The following CDKL5 variants were observed in gnomAD, a reference collection of about 807,000 sequenced individuals.
CDKL5 encodes cyclin-dependent kinase-like 5.
In CDKL5, 8 loss-of-function variants were observed where a neutral mutation model predicts 61.7. That is an observed-to-expected ratio of 0.13 (90% CI 0.08 to 0.23). CDKL5 has a LOEUF of 0.23. Among genes scored for constraint, CDKL5 ranks in the 10% least tolerant of loss-of-function variants. The pLI is 1.00. For missense variants in CDKL5, 440 were observed against 734.5 expected, an observed-to-expected ratio of 0.60 and a Z score of 4.63; for synonymous variants, 275 against 272.3, an observed-to-expected ratio of 1.01 and a Z score of -0.10.
rs748179410 is a variant in CDKL5 at position 18,583,804 on chromosome X, A to T, written c.464-459A>T. ...CCATCACTGTTTATGTAAAGGCTAG[A>T]ATTGCTCAGCAACAGTACATATGCA... is the stretch of plus-strand genomic sequence containing the variant. On this transcript the variant is annotated intron_variant, in intron 7 of 17. Transcript: ENST00000623535. 2.6e-4 allele frequency among the ~76,000 whole-genome samples: 29 copies of T among 112,140 alleles called. No homozygotes were observed. The South Asian group carries it at 0.01, about 40-fold the overall frequency.
intron 1 of CDKL5, among the ~76,000 whole-genome samples, chrX:18,501,297 C>T (rs1233309817): frequency 1.8e-5 from 2 of 110,479 alleles, no homozygotes; most frequent in African/African-American, 6.6e-5. Flanking sequence ...TCTCAGTCTC[C>T]CGAGTAGCTG....
intron 1 of CDKL5, among the ~76,000 whole-genome samples, chrX:18,460,799 C>T (rs763822822): frequency 4.5e-5 from 5 of 112,183 alleles, no homozygotes; most frequent in Admixed American, 3.8e-4. Flanking sequence ...CCATTCCTGG[C>T]TTATCTAGGT....
intron 1 of CDKL5, among the ~76,000 whole-genome samples, chrX:18,470,404 A>G (rs984486355): frequency 1.9e-5 from 2 of 107,621 alleles, no homozygotes; most frequent in African/African-American, 6.7e-5. Flanking sequence ...AAGTAAATGG[A>G]TGAGGTGAAC....
At chrX:18,646,424 G>C (rs1354752375) in intron 20 of CDKL5, among the ~76,000 whole-genome samples, 1 of 112,749 alleles carries the variant, frequency 8.9e-6, no homozygotes, top group East Asian at 2.8e-4. Flanking sequence ...CAAAGTGCTA[G>C]GATTACAGGC....
chrX:18,479,202 A>G (rs1214199560), intron 1 of CDKL5, among the ~76,000 whole-genome samples: 1 of 107,665 alleles, frequency 9.3e-6, no homozygotes, highest in Non-Finnish European at 1.9e-5. Flanking sequence ...TTTGACTATG[A>G]TGTTTCTGGG....
At chrX:18,471,346 CTT>C (rs1424233984) in intron 1 of CDKL5, among the ~76,000 whole-genome samples, 2 of 111,160 alleles carry the variant, frequency 1.8e-5, no homozygotes, top group African/African-American at 6.5e-5. Flanking sequence ...CAGTTATACT[CTT>C]TTAGTTATTT....
At chrX:18,610,246 G>A (rs748433749) in intron 14 of CDKL5, among the ~76,000 whole-genome samples, 5 of 111,926 alleles carry the variant, frequency 4.5e-5, no homozygotes, top group African/African-American at 6.5e-5. Context: ...GGTCTCTCTC[G>A]TACCCAGCCT....
chrX:18,539,988 C>T (rs1406459022), intron 3 of CDKL5, among the ~76,000 whole-genome samples: 1 of 111,985 alleles, frequency 8.9e-6, no homozygotes, highest in Non-Finnish European at 1.9e-5. Flanking sequence ...CATTGAGCAC[C>T]ACATCAGATG....
chrX:18,534,347 G>C (rs1167936761), intron 3 of CDKL5, among the ~76,000 whole-genome samples: 1 of 110,976 alleles, frequency 9.0e-6, no homozygotes, highest in Non-Finnish European at 1.9e-5. Context: ...CCTTTTTTCT[G>C]GATTCTATGA....
At position 18,634,060 on chromosome X, in the gene CDKL5, A is replaced by G. The variant is rs75730819; in HGVS notation, c.*5303A>G. On this transcript the variant is annotated 3_prime_UTR_variant, in exon 18 of 18. Transcript: ENST00000623535. Reference sequence around the variant, plus strand: ...TCACTTCTAAAGCCCTTCATTTCCCACAAGGTTAAGCTCTCGAAACCCCAT... The same window carrying G: ...TCACTTCTAAAGCCCTTCATTTCCCGCAAGGTTAAGCTCTCGAAACCCCAT... 3.0e-4 allele frequency: 225 copies of G among 752,455 alleles called. 1 individual carries two copies. In the Admixed American group the frequency reaches 0.012, roughly 39 times the overall value. The allele number at this position is 752,455 out of a possible 1,213,427, so 62.0% of individuals were successfully genotyped here.
chrX:18,567,955 C>T (rs1215362009), intron 4 of CDKL5, among the ~76,000 whole-genome samples: 1 of 111,805 alleles, frequency 8.9e-6, no homozygotes, highest in African/African-American at 3.2e-5. Flanking sequence ...TAAACATGCT[C>T]AGAACACTTA....
At chrX:18,564,598 T>A in intron 4 of CDKL5, 76 bp downstream of exon 4, 1 of 342,618 alleles carries the variant, frequency 2.9e-6, no homozygotes. Context: ...ATACATAGAG[T>A]GTGGAAGAAG....
chrX:18,559,998 G>A (rs1924743202), intron 3 of CDKL5, among the ~76,000 whole-genome samples: 2 of 109,559 alleles, frequency 1.8e-5, no homozygotes, highest in South Asian at 8.0e-4. Flanking sequence ...ATTCCATGGT[G>A]TATATGTGCC....
chrX:18,494,461 G>A (rs927126419), intron 1 of CDKL5, among the ~76,000 whole-genome samples: 3 of 111,158 alleles, frequency 2.7e-5, no homozygotes, highest in Non-Finnish European at 3.8e-5. Flanking sequence ...TTTTTGCCAC[G>A]TTGGCCAGGC....
At chrX:18,552,250 A>AAAAG (rs761711341) in intron 3 of CDKL5, among the ~76,000 whole-genome samples, 47 of 110,194 alleles carry the variant, frequency 4.3e-4, no homozygotes, top group Middle Eastern at 4.7e-3. Context: ...AAAAAAAAAA[A>AAAAG]AAAGAAAGAA....
intron 3 of CDKL5, among the ~76,000 whole-genome samples, chrX:18,557,605 A>C (rs1272470384): frequency 8.9e-6 from 1 of 112,420 alleles, no homozygotes; most frequent in Non-Finnish European, 1.9e-5. Flanking sequence ...CATTTGAAAA[A>C]TAATGACTCC....
chrX:18,595,300 A>G (rs1925953994), intron 9 of CDKL5, 48 bp from the exon 10 acceptor site: 1 of 898,815 alleles, frequency 1.1e-6, no homozygotes, highest in Admixed American at 2.2e-5. Context: ...ACGTGCACAC[A>G]CATGTCCTTC....
Position 18,629,898 on chromosome X carries a change from T to C in CDKL5, c.*1141T>C. Reference sequence around the variant, plus strand: ...ATTAGTGTAGAGCGTAGACCAAAGATTTGCCAGTGAACATTCCTTGTTGTG... The same window carrying C: ...ATTAGTGTAGAGCGTAGACCAAAGACTTGCCAGTGAACATTCCTTGTTGTG... On this transcript the variant is annotated 3_prime_UTR_variant, in exon 18 of 18. Coordinates refer to ENST00000623535, the MANE Select transcript of CDKL5 (RefSeq NM_001323289.2). 1 of 753,651 alleles carries C rather than the reference T, an allele frequency of 1.3e-6. No homozygotes were observed. The highest frequency in any genetic ancestry group is 1.6e-6 in the Non-Finnish European group (1 of 639,061). The allele number at this position is 753,651 out of a possible 1,213,427, so 62.1% of individuals were successfully genotyped here. A position where few individuals can be genotyped will look rare whatever the true frequency, so the allele number is the denominator to read the frequency against.
chrX:18,636,200 C>A lies in CDKL5; in HGVS notation c.*7443C>A, dbSNP rs1209537492. 9.0e-6 allele frequency: 1 copy of A among 110,807 alleles called. No homozygotes were observed. Among genetic ancestry groups the A allele is most frequent in the Non-Finnish European group, 1.9e-5 (1 of 53,001 alleles). 9.1% of individuals were successfully genotyped at this position (110,807 alleles called of 1,213,427 possible). ...TGTCAACCACCTCTTCACTCTATCT[C>A]CTTAAGTGACATGGAAACTTGTGGC... On this transcript the variant is annotated 3_prime_UTR_variant, in exon 18 of 18. Transcript: ENST00000623535.
Sources: allele counts gnomAD v4.1 joint callset (sites outside exome capture counted in the v4.1 genomes callset), GRCh38; gene constraint gnomAD v4.1.1; transcripts MANE v1.5; gene names NCBI Gene and HGNC (gene_info 2026-07-23, HGNC 2026-07-21).